Variants in NDUFV2 observed in about 807,000 individuals in gnomAD.
The protein encoded by NDUFV2 is NADH:ubiquinone oxidoreductase core subunit V2.
A neutral mutation model predicts 31.6 loss-of-function variants in NDUFV2; 18 were observed. The ratio of observed to expected loss-of-function variants is 0.57; its 90% CI spans 0.39 to 0.84. NDUFV2 has a LOEUF of 0.84. Among genes scored for constraint, NDUFV2 ranks in the 40% least tolerant of loss-of-function variants. The probability of loss-of-function intolerance (pLI) is 0.00; values close to 1 mark genes in which losing one functional copy is unlikely to be tolerated. For missense variants in NDUFV2, 314 were observed against 303.6 expected (o/e 1.03, Z -0.26); for synonymous variants, 83 against 99.8 (o/e 0.83, Z 1.01).
rs568886141 is a variant in NDUFV2, at chr18:9,128,227, T to G, written c.656+1320T>G. Among the ~76,000 whole-genome samples the G allele has an allele frequency of 5.3e-5, 8 of 152,298 alleles. No individual in the cohort carries two copies. In the East Asian group the frequency reaches 1.5e-3, roughly 29 times the overall value. ...CAGCTGTGATGTGCTCTTACTCCCG[T>G]TTTAAAATATTTTTCTTAAGCTTTA... On this transcript the variant is annotated intron_variant, in intron 7 of 7. Coordinates refer to ENST00000318388, the MANE Select transcript of NDUFV2 (RefSeq NM_021074.5).
At chr18:9,134,124 C>A in intron 7 of NDUFV2, 62 bp from the exon 8 acceptor site, 2 of 1,314,156 alleles carry the variant, frequency 1.5e-6, no homozygotes, top group Non-Finnish European at 2.2e-6. Context: ...GTAACCATTA[C>A]AATTTAAGTA....
At chr18:9,127,051 GAGCAAGA>G in intron 7 of NDUFV2, 144 bp downstream of exon 7, 1 of 733,802 alleles carries the variant, frequency 1.4e-6, no homozygotes, top group Non-Finnish European at 2.4e-6. Context: ...ATCTCATCTA[GAGCAAGA>G]ATAATTTTTT....
chr18:9,117,814 C>T, intron 1 of NDUFV2, 24 bp from the exon 2 acceptor site: 1 of 1,457,516 alleles, frequency 6.9e-7, no homozygotes, highest in Non-Finnish European at 9.6e-7. Flanking sequence ...ATTTACTAAA[C>T]TTTCTTAAAA....
chr18:9,118,225 T>C (rs1387482313), intron 2 of NDUFV2, among the ~76,000 whole-genome samples: 1 of 152,182 alleles, frequency 6.6e-6, no homozygotes. Flanking sequence ...GATTGTAACT[T>C]GTTGAATCCC....
At chr18:9,116,671 A>G (rs2077899856) in intron 1 of NDUFV2, among the ~76,000 whole-genome samples, 1 of 152,144 alleles carries the variant, frequency 6.6e-6, no homozygotes, top group South Asian at 2.1e-4. Flanking sequence ...TTCCATGTAA[A>G]CTTATTTATT....
chr18:9,114,443 ATCTTT>A (rs749158951), intron 1 of NDUFV2, among the ~76,000 whole-genome samples: 5 of 78,108 alleles, frequency 6.4e-5, no homozygotes, highest in Non-Finnish European at 1.0e-4. Context: ...AGTTGTTTGG[ATCTTT>A]TTTTTTTTTT....
At chr18:9,107,262 TAA>T (rs955180765) in intron 1 of NDUFV2, among the ~76,000 whole-genome samples, 25 of 152,172 alleles carry the variant, frequency 1.6e-4, no homozygotes, top group African/African-American at 6.0e-4. Flanking sequence ...TTCAAAGTAA[TAA>T]AAAGTTGACT....
At chr18:9,134,088 T>C (rs2078063544) in intron 7 of NDUFV2, 98 bp from the exon 8 acceptor site, 2 of 835,444 alleles carry the variant, frequency 2.4e-6, no homozygotes, top group Non-Finnish European at 4.0e-6. Flanking sequence ...AGGGTAAAAA[T>C]AGTTACTTAA....
At chr18:9,103,112 T>C (rs1310205393) in intron 1 of NDUFV2, 1 of 406,316 alleles carries the variant, frequency 2.5e-6, no homozygotes, top group Non-Finnish European at 4.3e-6. Context: ...AGGCCTGCTC[T>C]GGCCAGATCA....
chr18:9,114,069 T>C (rs57716132), intron 1 of NDUFV2, among the ~76,000 whole-genome samples: 10,413 of 152,206 alleles, frequency 0.068, 378 homozygotes, highest in Non-Finnish European at 0.083. Flanking sequence ...AGAAGGTATT[T>C]TATACAAAAA....
intron 1 of NDUFV2, among the ~76,000 whole-genome samples, chr18:9,109,134 G>A (rs2077857080): frequency 6.6e-6 from 1 of 152,208 alleles, no homozygotes. Flanking sequence ...TGTGAACAGT[G>A]AGAGGAAGGC....
intron 1 of NDUFV2, among the ~76,000 whole-genome samples, chr18:9,116,805 A>G (rs999915815): frequency 6.6e-6 from 1 of 152,122 alleles, no homozygotes; most frequent in East Asian, 1.9e-4. Context: ...TGCTAGTTCC[A>G]TGCTTGGTTT....
chr18:9,115,582 C>T (rs754329463), intron 1 of NDUFV2: 1 of 152,176 alleles, frequency 6.6e-6, no homozygotes, highest in African/African-American at 2.4e-5. Context: ...TGGGGCCAGG[C>T]GCAGTGGCTT....
chr18:9,124,767 A>T, intron 5 of NDUFV2, 107 bp from the exon 6 acceptor site: 1 of 1,183,844 alleles, frequency 8.4e-7, no homozygotes, highest in Non-Finnish European at 1.2e-6. Context: ...AAAACTTAAT[A>T]GTCTTAAACT....
At position 9,117,700 on chromosome 18, in the gene NDUFV2, T is replaced by TAGGGTAG. The variant is rs1421629270; in HGVS notation, c.55-136_55-130dup. On this transcript the variant is annotated intron_variant, in intron 1 of 7. Coordinates refer to ENST00000318388, the MANE Select transcript of NDUFV2 (RefSeq NM_021074.5). ...ATAACTCTCCTGAAATAGAGATGGA[T>TAGGGTAG]AGGGTAGAATACCATATTTCTTAAG... is the stretch of plus-strand genomic sequence containing the variant. 18 of 614,468 alleles carry TAGGGTAG rather than the reference T, an allele frequency of 2.9e-5. No homozygotes were observed. In the African/African-American group the frequency reaches 3.4e-4, roughly 11 times the overall value. 38.1% of individuals were successfully genotyped at this position (614,468 alleles called of 1,614,324 possible).
intron 1 of NDUFV2, among the ~76,000 whole-genome samples, chr18:9,106,269 T>C (rs1323410891): frequency 6.6e-6 from 1 of 152,238 alleles, no homozygotes; most frequent in African/African-American, 2.4e-5. Context: ...GAGGCCTGCC[T>C]TCAGGCTAAA....
rs528096078 is a variant in NDUFV2, at chr18:9,104,032, A to G, written c.54+1235A>G. 4.3e-6 allele frequency: 4 copies of G among 931,360 alleles called. No individual in the cohort carries two copies. The African/African-American group carries it at 5.0e-5, about 12-fold the overall frequency. The allele number at this position is 931,360 out of a possible 1,614,324, so 57.7% of individuals were successfully genotyped here. On this transcript the variant is annotated intron_variant, in intron 1 of 7. Coordinates refer to ENST00000318388, the MANE Select transcript of NDUFV2 (RefSeq NM_021074.5). Reference sequence around the variant, plus strand: ...TAAGAGGAACTTTAAGGTTGAGACAATGTAAAAGTACAGTGTTAGAGAGAT... The same window carrying G: ...TAAGAGGAACTTTAAGGTTGAGACAGTGTAAAAGTACAGTGTTAGAGAGAT...
At chr18:9,112,826 C>T (rs945070935) in intron 1 of NDUFV2, 3 of 151,870 alleles carry the variant, frequency 2.0e-5, no homozygotes, top group Non-Finnish European at 4.4e-5. Flanking sequence ...CATATAATGG[C>T]AAAAAATTCA....
intron 1 of NDUFV2, chr18:9,105,050 TC>T (rs1488360518): frequency 7.1e-7 from 1 of 1,414,052 alleles, no homozygotes; most frequent in Non-Finnish European, 9.5e-7. Flanking sequence ...AGTAGACATT[TC>T]TATACTGTCA....
Sources: gnomAD v4.1 joint callset for allele counts (sites outside exome capture counted in the v4.1 genomes callset) on GRCh38, gnomAD v4.1.1 for gene constraint, MANE v1.5 for transcripts, NCBI Gene and HGNC (gene_info 2026-07-23, HGNC 2026-07-21) for gene names.